Variants in AP1G1 observed in about 807,000 individuals in gnomAD.
AP1G1 encodes AP-1 complex subunit gamma-1.
AP1G1 carries 7 observed loss-of-function variants against 108.3 expected under a neutral mutation model. That is an observed-to-expected ratio of 0.06 (90% CI 0.04 to 0.12). The LOEUF (loss-of-function observed/expected upper bound fraction) is 0.12. AP1G1 is among the 10% of genes least tolerant of loss of function. The pLI, the probability that AP1G1 is intolerant of heterozygous loss-of-function variation, is 1.00. For missense variants in AP1G1, 756 were observed against 1,010.7 expected (o/e 0.75, Z 3.42); for synonymous variants, 379 against 353.5 (o/e 1.07, Z -0.81).
At chr16:71,747,585 T>C (rs2145432157) in intron 16 of AP1G1, among the ~76,000 whole-genome samples, 1 of 149,970 alleles carries the variant, frequency 6.7e-6, no homozygotes, top group South Asian at 2.1e-4. Flanking sequence ...TGTCATAAAA[T>C]AAAATGAAAT....
chr16:71,786,482 GAA>G (rs2032206319), intron 2 of AP1G1, among the ~76,000 whole-genome samples: 1 of 151,504 alleles, frequency 6.6e-6, no homozygotes. Flanking sequence ...TTTTTTTTGA[GAA>G]AGAGTCTCAT....
At chr16:71,774,048 C>T (rs1293189464) in intron 3 of AP1G1, among the ~76,000 whole-genome samples, 8 of 146,110 alleles carry the variant, frequency 5.5e-5, no homozygotes, top group Non-Finnish European at 1.0e-4. Context: ...GGCAACAGAG[C>T]GAGACTCCGT....
At chr16:71,739,148 CT>C (rs1229121630) in intron 20 of AP1G1, 46 bp from the exon 21 acceptor site, 1 of 1,611,562 alleles carries the variant, frequency 6.2e-7, no homozygotes, top group Non-Finnish European at 8.5e-7. Flanking sequence ...CAGCCTAATG[CT>C]TGCAGAATTA....
At chr16:71,807,416 G>A (rs910079254) in intron 1 of AP1G1, among the ~76,000 whole-genome samples, 2 of 152,226 alleles carry the variant, frequency 1.3e-5, no homozygotes, top group African/African-American at 4.8e-5. Flanking sequence ...TGGAGACAGA[G>A]GGAGACTTCG....
chr16:71,808,621 C>T (rs1465539940), intron 1 of AP1G1, 142 bp downstream of exon 1: 2 of 1,289,688 alleles, frequency 1.6e-6, no homozygotes, highest in South Asian at 2.5e-5. Flanking sequence ...CCTCTCCTGG[C>T]CCAGCTTCTC....
At chr16:71,782,460 G>C (rs931927599) in intron 2 of AP1G1, among the ~76,000 whole-genome samples, 3 of 147,168 alleles carry the variant, frequency 2.0e-5, no homozygotes, top group Non-Finnish European at 4.4e-5. Context: ...ACCGCACCCA[G>C]CCTACAATTA....
At chr16:71,748,405 G>A (rs773052318) in intron 15 of AP1G1, 27 bp from the exon 16 acceptor site, 28 of 1,603,984 alleles carry the variant, frequency 1.7e-5, no homozygotes, top group South Asian at 6.7e-5. Context: ...AAAAGAAGAC[G>A]ATGAAGAATG....
intron 12 of AP1G1, among the ~76,000 whole-genome samples, chr16:71,754,623 C>G (rs916467398): frequency 1.3e-5 from 2 of 151,912 alleles, no homozygotes; most frequent in African/African-American, 4.8e-5. Context: ...ATAGCAAGAC[C>G]CCATCTCTAC....
At chr16:71,789,563 T>G (rs944113584) in intron 1 of AP1G1, 81 bp from the exon 2 acceptor site, 1 of 1,409,046 alleles carries the variant, frequency 7.1e-7, no homozygotes, top group Non-Finnish European at 9.8e-7. Flanking sequence ...ATTTAAATTT[T>G]TGACTAGTTT....
chr16:71,767,835 CTAATGCCAG>C lies in AP1G1; in HGVS notation c.642+1779_642+1787del, dbSNP rs752331841. On this transcript the variant is annotated intron_variant, in intron 6 of 22. Coordinates refer to ENST00000299980, the MANE Select transcript of AP1G1 (RefSeq NM_001128.6). The stretch of plus-strand genomic sequence containing the variant: ...TCGATACACAAAAGCTACTAAGGAC[CTAATGCCAG>C]CATGCACCATCTAAAAGAGGGTTAA... 8 of 1,591,546 alleles carry C rather than the reference CTAATGCCAG, an allele frequency of 5.0e-6. No individual in the cohort carries two copies. The South Asian group carries it at 7.7e-5, about 15-fold the overall frequency.
At chr16:71,767,559 C>G (rs544013851) in intron 6 of AP1G1, among the ~76,000 whole-genome samples, 2 of 152,294 alleles carry the variant, frequency 1.3e-5, no homozygotes, top group South Asian at 4.1e-4. Context: ...CCAGACTAAT[C>G]TGGAATTGCC....
intron 12 of AP1G1, among the ~76,000 whole-genome samples, chr16:71,755,366 G>T (rs1174857969): frequency 6.6e-6 from 1 of 151,996 alleles, no homozygotes; most frequent in Non-Finnish European, 1.5e-5. Context: ...GAACCTGGGA[G>T]GTCAAGGTTG....
chr16:71,798,962 T>G (rs1312962866), intron 1 of AP1G1, among the ~76,000 whole-genome samples: 1 of 148,906 alleles, frequency 6.7e-6, no homozygotes, highest in Non-Finnish European at 1.5e-5. Context: ...TAACATTCCA[T>G]AAGCGCTCCT....
Position 71,773,311 on chromosome 16 carries a change from G to C in AP1G1, c.378C>G (p.Leu126=). 1.3e-6 allele frequency: 2 copies of C among 1,595,442 alleles called. No homozygotes were observed. The highest frequency in any genetic ancestry group is 1.7e-6 in the Non-Finnish European group (2 of 1,174,732). The change falls in exon 4 of 23, where the codon CTC becomes CTG. Residue 126 remains leucine, a synonymous_variant. Transcript: ENST00000299980. ...QFVQGLALCT[L]GCMGSSEMCR... is the part of the protein sequence containing the mutation. ...ACATCTCTGAGGAGCCCATGCAGCC[G>C]AGGGTACAAAGTGCTAACCCCTGTA...
intron 21 of AP1G1, among the ~76,000 whole-genome samples, chr16:71,737,867 A>G (rs929941911): frequency 3.9e-5 from 6 of 152,290 alleles, no homozygotes; most frequent in Non-Finnish European, 8.8e-5. Flanking sequence ...GATTTTGCAA[A>G]TAACATTTTA....
rs945896273 is a variant in AP1G1, at chr16:71,774,360, C to T, written c.326+108G>A. The T allele has an allele frequency of 5.2e-5, 64 of 1,231,390 alleles. No individual in the cohort carries two copies. In the African/African-American group the frequency reaches 5.8e-4, roughly 11 times the overall value. The allele number at this position is 1,231,390 out of a possible 1,614,324, so 76.3% of individuals were successfully genotyped here. On this transcript the variant is annotated intron_variant, in intron 3 of 22. Transcript: ENST00000299980. ...AGGAGGATGCAGTGAGTCAAGATCA[C>T]GCCACTTCACTCCAGCCTGGGCAAA...
chr16:71,771,670 T>C (rs189220113), intron 4 of AP1G1, among the ~76,000 whole-genome samples: 2 of 152,352 alleles, frequency 1.3e-5, no homozygotes, highest in Admixed American at 1.3e-4. Flanking sequence ...TACATTAGAC[T>C]ATGTATGGTT....
At chr16:71,806,645 G>C in intron 1 of AP1G1, 1 of 1,236,880 alleles carries the variant, frequency 8.1e-7, no homozygotes, top group Non-Finnish European at 1.1e-6. Context: ...GTCTAAGTCA[G>C]AAATGGAACA....
At chr16:71,762,330 G>A (rs2031127887) in intron 9 of AP1G1, among the ~76,000 whole-genome samples, 1 of 152,074 alleles carries the variant, frequency 6.6e-6, no homozygotes, top group African/African-American at 2.4e-5. Flanking sequence ...TGTGGTTTTT[G>A]TCCCTGTTTC....
Sources: allele counts gnomAD v4.1 joint callset (sites outside exome capture counted in the v4.1 genomes callset), GRCh38; gene constraint gnomAD v4.1.1; transcripts MANE v1.5; gene names NCBI Gene and HGNC (gene_info 2026-07-23, HGNC 2026-07-21).